Variants in POU6F2 observed in about 807,000 individuals in gnomAD.
POU6F2 encodes POU class 6 homeobox 2, also known as POU domain, class 6, transcription factor 2.
Under a neutral mutation model 71.3 loss-of-function variants are expected in POU6F2, and 31 were observed. The observed-to-expected ratio is 0.43, with a 90% CI of 0.33 to 0.59. The LOEUF is 0.59. Among genes scored for constraint, POU6F2 ranks in the 20% least tolerant of loss-of-function variants. The pLI is 0.04. For synonymous variants in POU6F2, 347 were observed against 355.7 expected, an observed-to-expected ratio of 0.98 and a Z score of 0.27; for missense variants, 783 against 856.8, an observed-to-expected ratio of 0.91 and a Z score of 1.07.
At chr7:39,027,538 A>G (rs1268185001) in intron 1 of POU6F2, among the ~76,000 whole-genome samples, 3 of 152,166 alleles carry the variant, frequency 2.0e-5, no homozygotes, top group African/African-American at 7.2e-5. Flanking sequence ...AGGTCCTCCA[A>G]TTCCAATCAG....
chr7:39,003,920 G>A (rs1393842083), intron 1 of POU6F2, among the ~76,000 whole-genome samples: 4 of 151,974 alleles, frequency 2.6e-5, no homozygotes, highest in African/African-American at 9.7e-5. Flanking sequence ...TTTTAAAAGT[G>A]TAGAAAAAAA....
At chr7:39,399,874 AAGAAAG>A (rs767248564) in intron 5 of POU6F2, among the ~76,000 whole-genome samples, 13 of 77,852 alleles carry the variant, frequency 1.7e-4, no homozygotes, top group African/African-American at 4.2e-4. Flanking sequence ...AAAAAAAAGA[AAGAAAG>A]AAAGAAAAAG....
Position 39,339,952 on chromosome 7 carries a change from G to T in POU6F2, c.909G>T (p.Gln303His). 6.2e-7 allele frequency: 1 copy of T among 1,613,894 alleles called. No individual in the cohort carries two copies. The highest frequency in any genetic ancestry group is 8.5e-7 in the Non-Finnish European group (1 of 1,179,860). ...SPTQQSSSPP[Q>H]KPSQSPGHGL... ...CCCAGCAGAGCTCCAGCCCCCCGCA[G>T]AAACCTAGTCAGTCTCCAGGACATG... Residue 303 changes from glutamine to histidine, a missense_variant, in exon 5 of 10, where the codon CAG (glutamine) becomes CAT (histidine). This residue lies in a region of POU6F2 where 572 missense variants were observed against 572.9 expected (regional missense o/e 1.00). Coordinates refer to ENST00000518318, the MANE Select transcript of POU6F2 (RefSeq NM_001370959.1).
At chr7:39,097,452 T>C (rs554615590) in intron 2 of POU6F2, among the ~76,000 whole-genome samples, 66 of 152,368 alleles carry the variant, frequency 4.3e-4, no homozygotes, top group African/African-American at 1.5e-3. Flanking sequence ...CCACTTCTTA[T>C]GTTTTTCTCC....
At chr7:39,113,090 A>C (rs1223189313) in intron 2 of POU6F2, among the ~76,000 whole-genome samples, 2 of 152,140 alleles carry the variant, frequency 1.3e-5, no homozygotes, top group African/African-American at 4.8e-5. Context: ...CATGAGAAAA[A>C]CTTTTGAAGT....
chr7:39,121,785 A>C (rs1318332510), intron 2 of POU6F2, among the ~76,000 whole-genome samples: 2 of 151,826 alleles, frequency 1.3e-5, no homozygotes, highest in East Asian at 3.9e-4. Context: ...TGCAACCTCC[A>C]CCTCCCGGGT....
chr7:39,014,114 T>C (rs1789408324), intron 1 of POU6F2, among the ~76,000 whole-genome samples: 2 of 152,314 alleles, frequency 1.3e-5, no homozygotes, highest in East Asian at 1.9e-4. Flanking sequence ...GGCGGAAATA[T>C]CTTTTCTGGC....
At chr7:39,193,559 C>T (rs573194568) in intron 2 of POU6F2, among the ~76,000 whole-genome samples, 113 of 152,306 alleles carry the variant, frequency 7.4e-4, no homozygotes, top group South Asian at 1.7e-3. Context: ...TGTGACCACA[C>T]GTGAATTACT....
chr7:39,056,652 C>CTCTT (rs756043081), intron 1 of POU6F2, among the ~76,000 whole-genome samples: 96 of 129,288 alleles, frequency 7.4e-4, no homozygotes, highest in African/African-American at 1.1e-3. Flanking sequence ...CTCTTTTTCT[C>CTCTT]TCTCTCTCTC....
chr7:39,203,284 A>G (rs1267949935), intron 2 of POU6F2, among the ~76,000 whole-genome samples: 1 of 152,140 alleles, frequency 6.6e-6, no homozygotes, highest in African/African-American at 2.4e-5. Context: ...ATTGTCTTCC[A>G]CTTGTTATTC....
chr7:39,375,264 T>C (rs934437122), intron 5 of POU6F2, among the ~76,000 whole-genome samples: 1 of 152,196 alleles, frequency 6.6e-6, no homozygotes, highest in African/African-American at 2.4e-5. Context: ...ACAAGTGTAT[T>C]GAGAAACGAC....
At chr7:39,415,887 T>C (rs954754284) in intron 6 of POU6F2, among the ~76,000 whole-genome samples, 1 of 152,106 alleles carries the variant, frequency 6.6e-6, no homozygotes, top group African/African-American at 2.4e-5. Context: ...TGGGATAACA[T>C]CTTCTGGAAG....
intron 4 of POU6F2, among the ~76,000 whole-genome samples, chr7:39,327,615 A>G (rs1727976323): frequency 6.6e-6 from 1 of 152,050 alleles, no homozygotes; most frequent in East Asian, 1.9e-4. Flanking sequence ...AAAGAATTTT[A>G]TTATGTTTAT....
Position 39,178,551 on chromosome 7 carries a change from G to A in POU6F2, c.278-25684G>A, listed in dbSNP as rs529521678. 2.4e-4 allele frequency among the ~76,000 whole-genome samples: 36 copies of A among 152,218 alleles called. 1 individual carries two copies. The South Asian group carries it at 4.8e-3, about 20-fold the overall frequency. ...CTCAATTGGGAAGGATAGCCTACCC[G>A]GAGAGGCTGTATTATTTTTAAATTT... is the stretch of plus-strand genomic sequence containing the variant. On this transcript the variant is annotated intron_variant, in intron 2 of 9. Coordinates refer to ENST00000518318, the MANE Select transcript of POU6F2 (RefSeq NM_001370959.1).
chr7:39,020,457 T>C (rs1280196168), intron 1 of POU6F2, among the ~76,000 whole-genome samples: 1 of 152,186 alleles, frequency 6.6e-6, no homozygotes, highest in Non-Finnish European at 1.5e-5. Flanking sequence ...GGACAAAGTA[T>C]GGGCTAAATG....
chr7:39,320,660 C>T (rs774314692), intron 4 of POU6F2, among the ~76,000 whole-genome samples: 1 of 152,178 alleles, frequency 6.6e-6, no homozygotes, highest in Non-Finnish European at 1.5e-5. Context: ...TTACCTGAAG[C>T]TGCAGATAGT....
At chr7:39,085,593 T>C (rs1044780837) in intron 1 of POU6F2, among the ~76,000 whole-genome samples, 1 of 151,766 alleles carries the variant, frequency 6.6e-6, no homozygotes, top group Admixed American at 6.6e-5. Flanking sequence ...TTTTTTTTTT[T>C]CCTCCGAAGC....
At chr7:39,376,322 CTT>C (rs991168031) in intron 5 of POU6F2, among the ~76,000 whole-genome samples, 2 of 152,094 alleles carry the variant, frequency 1.3e-5, no homozygotes, top group African/African-American at 4.8e-5. Flanking sequence ...GAGACTGAAA[CTT>C]TATTTTTTTC....
intron 2 of POU6F2, among the ~76,000 whole-genome samples, chr7:39,151,019 G>A (rs1023160884): frequency 3.9e-5 from 6 of 152,000 alleles, no homozygotes; most frequent in African/African-American, 1.4e-4. Context: ...TATTCTTGGT[G>A]AACTATGTGG....
Sources: allele counts gnomAD v4.1 joint callset (sites outside exome capture counted in the v4.1 genomes callset), GRCh38; gene constraint gnomAD v4.1.1; regional missense constraint gnomAD v4.1.1; transcripts MANE v1.5; gene names NCBI Gene and HGNC (gene_info 2026-07-23, HGNC 2026-07-21).